Variants in LDLRAD4 observed in about 807,000 individuals in gnomAD.
LDLRAD4 encodes the protein low density lipoprotein receptor class A domain containing 4, also known as low-density lipoprotein receptor class A domain-containing protein 4.
Under a neutral mutation model 17.0 loss-of-function variants are expected in LDLRAD4, and 5 were observed. The observed-to-expected ratio is 0.29, with a 90% CI of 0.15 to 0.62. LDLRAD4 has a LOEUF of 0.62. Among genes scored for constraint, LDLRAD4 ranks in the 20% least tolerant of loss-of-function variants. LDLRAD4 has a pLI of 0.84. For synonymous variants in LDLRAD4, 168 were observed against 171.8 expected (o/e 0.98, Z 0.17); for missense variants, 340 against 424.7 (o/e 0.80, Z 1.75).
At chr18:13,355,570 A>G (rs1217481531) in intron 1 of LDLRAD4, among the ~76,000 whole-genome samples, 1 of 152,230 alleles carries the variant, frequency 6.6e-6, no homozygotes, top group Non-Finnish European at 1.5e-5. Flanking sequence ...CTGTCTGTCA[A>G]TAATTCTTTT....
intron 4 of LDLRAD4, among the ~76,000 whole-genome samples, chr18:13,640,187 G>A (rs1290745663): frequency 1.3e-5 from 2 of 151,546 alleles, no homozygotes; most frequent in South Asian, 4.2e-4. Context: ...CATCTACTCG[G>A]TAGGCTGAGG....
At chr18:13,371,398 T>C (rs1474229055) in intron 1 of LDLRAD4, among the ~76,000 whole-genome samples, 1 of 152,218 alleles carries the variant, frequency 6.6e-6, no homozygotes, top group Non-Finnish European at 1.5e-5. Flanking sequence ...GCCGCGTTGC[T>C]GTGAACCGTT....
intron 1 of LDLRAD4, among the ~76,000 whole-genome samples, chr18:13,262,151 GCT>G (rs1255337062): frequency 7.5e-6 from 1 of 133,204 alleles, no homozygotes; most frequent in Non-Finnish European, 1.6e-5. Flanking sequence ...GTCCCGTGCG[GCT>G]CTGTGCGTGG....
chr18:13,473,647 A>ATG (rs1600636150), intron 3 of LDLRAD4, among the ~76,000 whole-genome samples: 1 of 72,036 alleles, frequency 1.4e-5, no homozygotes, highest in Non-Finnish European at 2.9e-5. Context: ...ATATATATAT[A>ATG]TATATATATA....
chr18:13,401,507 G>A (rs926181677), intron 2 of LDLRAD4, among the ~76,000 whole-genome samples: 12 of 152,234 alleles, frequency 7.9e-5, no homozygotes, highest in East Asian at 7.7e-4. Flanking sequence ...TGGTGTGAGC[G>A]TGAGAGGAGC....
intron 4 of LDLRAD4, among the ~76,000 whole-genome samples, chr18:13,640,751 C>T (rs1277808952): frequency 6.6e-6 from 1 of 152,138 alleles, no homozygotes; most frequent in African/African-American, 2.4e-5. Context: ...TTACCCTCTG[C>T]ACCCCTTTCC....
At chr18:13,345,684 A>G (rs2082640683) in intron 1 of LDLRAD4, among the ~76,000 whole-genome samples, 1 of 152,202 alleles carries the variant, frequency 6.6e-6, no homozygotes, top group African/African-American at 2.4e-5. Context: ...TACCTCTGGT[A>G]GAATTCGGCT....
At chr18:13,410,967 C>A (rs897350800) in intron 2 of LDLRAD4, among the ~76,000 whole-genome samples, 1 of 152,098 alleles carries the variant, frequency 6.6e-6, no homozygotes, top group Non-Finnish European at 1.5e-5. Context: ...AGTATCAATA[C>A]GGGCCAGGTG....
intron 1 of LDLRAD4, among the ~76,000 whole-genome samples, chr18:13,379,443 G>C (rs1181748110): frequency 6.6e-6 from 1 of 152,222 alleles, no homozygotes; most frequent in Non-Finnish European, 1.5e-5. Context: ...CTGTATTCTA[G>C]TCCCCATGGT....
chr18:13,313,554 C>T (rs985376156), intron 1 of LDLRAD4, among the ~76,000 whole-genome samples: 2 of 152,338 alleles, frequency 1.3e-5, no homozygotes, highest in Non-Finnish European at 2.9e-5. Context: ...AGCCCACAAC[C>T]CAGAGCTTCA....
chr18:13,319,340 C>G (rs12959077), intron 1 of LDLRAD4, among the ~76,000 whole-genome samples: 53,726 of 151,738 alleles, frequency 0.35, 10,042 homozygotes, highest in African/African-American at 0.48. Flanking sequence ...CCAGGTCGTG[C>G]AGCTGCTGTG....
intron 1 of LDLRAD4, among the ~76,000 whole-genome samples, chr18:13,320,479 T>C (rs1306566204): frequency 6.6e-6 from 1 of 152,228 alleles, no homozygotes; most frequent in Non-Finnish European, 1.5e-5. Flanking sequence ...TGACCAGTGC[T>C]CTCAAACTGC....
At chr18:13,474,133 A>G (rs4797781) in intron 3 of LDLRAD4, among the ~76,000 whole-genome samples, 145,289 of 152,232 alleles carry the variant, frequency 0.95, 69,559 homozygotes, top group Non-Finnish European at 1. Context: ...TGCCTTCGCC[A>G]TGATTGGAAG....
rs531242655 is a variant in LDLRAD4, at chr18:13,643,137, T to C, written c.337-222T>C. Among the ~76,000 whole-genome samples the C allele has an allele frequency of 4.6e-5, 7 of 152,080 alleles. No homozygotes were observed. In the South Asian group the frequency reaches 1.5e-3, roughly 32 times the overall value. On this transcript the variant is annotated intron_variant, in intron 4 of 5. Transcript: ENST00000359446. ...TTTTAGTAGAGACGGGGTTTCACCA[T>C]GTTGGCCAGGCTGGTCTCGAACTCC...
At chr18:13,387,659 C>T (rs765814801) in exon 2 of LDLRAD4, 148 of 1,488,034 alleles carry the variant, frequency 9.9e-5, no homozygotes, top group Non-Finnish European at 1.3e-4. Flanking sequence ...ACCTGAGCCT[C>T]GCCCGGCGGC....
chr18:13,239,935 C>T (rs552522025), intron 1 of LDLRAD4: 1 of 152,384 alleles, frequency 6.6e-6, no homozygotes, highest in African/African-American at 2.4e-5. Flanking sequence ...TTTGGTTTGC[C>T]ATGGGTACTT....
At chr18:13,237,565 G>A (rs1231808666) in intron 1 of LDLRAD4, among the ~76,000 whole-genome samples, 1 of 152,214 alleles carries the variant, frequency 6.6e-6, no homozygotes, top group East Asian at 1.9e-4. Flanking sequence ...GGAAAAAGCA[G>A]TTAGTTCGAA....
intron 3 of LDLRAD4, among the ~76,000 whole-genome samples, chr18:13,441,075 G>A (rs1004557101): frequency 6.6e-6 from 1 of 152,204 alleles, no homozygotes; most frequent in Non-Finnish European, 1.5e-5. Flanking sequence ...CGGGGCAGGT[G>A]GTGGTTTCTC....
chr18:13,556,225 G>C (rs1374464905), intron 3 of LDLRAD4, among the ~76,000 whole-genome samples: 5 of 152,310 alleles, frequency 3.3e-5, no homozygotes, highest in South Asian at 2.1e-4. Context: ...TAGGAGAGTG[G>C]GGAACTTTTT....
Sources: allele counts gnomAD v4.1 joint callset (sites outside exome capture counted in the v4.1 genomes callset), GRCh38; gene constraint gnomAD v4.1.1; transcripts MANE v1.5; gene names NCBI Gene and HGNC (gene_info 2026-07-23, HGNC 2026-07-21).